The following SRGAP3 variants were observed in gnomAD, a reference collection of about 807,000 sequenced individuals.
SRGAP3 encodes the protein SLIT-ROBO Rho GTPase activating protein 3.
SRGAP3 carries 39 observed loss-of-function variants against 121.1 expected under a neutral mutation model. The observed-to-expected ratio is 0.32, with a 90% CI of 0.25 to 0.42. The LOEUF (loss-of-function observed/expected upper bound fraction) is 0.42. SRGAP3 is among the 10% of genes least tolerant of loss of function. The pLI, the probability that SRGAP3 is intolerant of heterozygous loss-of-function variation, is 1.00. For synonymous variants in SRGAP3, 601 were observed against 570.0 expected, an observed-to-expected ratio of 1.05 and a Z score of -0.77; for missense variants, 1,213 against 1,470.6, an observed-to-expected ratio of 0.82 and a Z score of 2.86.
intron 3 of SRGAP3, among the ~76,000 whole-genome samples, chr3:9,098,891 G>A (rs1049158158): frequency 3.9e-5 from 6 of 152,224 alleles, no homozygotes; most frequent in South Asian, 2.1e-4. Flanking sequence ...CAGAGTGACC[G>A]TTCGCGACTT....
At chr3:9,354,907 AC>A (rs2030411368) in intron 1 of SRGAP3, among the ~76,000 whole-genome samples, 1 of 152,184 alleles carries the variant, frequency 6.6e-6, no homozygotes. Context: ...ATGTAATGTT[AC>A]CTGTCTCAAA....
intron 1 of SRGAP3, among the ~76,000 whole-genome samples, chr3:9,242,077 C>CAAAAAA (rs142186507): frequency 1.5e-5 from 1 of 68,488 alleles, no homozygotes; most frequent in Non-Finnish European, 3.0e-5. Flanking sequence ...CACCCTAATT[C>CAAAAAA]AAAAAAAAAA....
chr3:9,121,820 A>G lies in SRGAP3; in HGVS notation c.260+2905T>C, dbSNP rs1365549328. ...CGGACAGGAGAGATGCTCCAGCCCT[A>G]CCACATGGCCCTGTCTGCAGCTAGG... On this transcript the variant is annotated intron_variant, in intron 2 of 21. Coordinates refer to ENST00000383836, the MANE Select transcript of SRGAP3 (RefSeq NM_014850.4). Among the ~76,000 whole-genome samples, 4 of 152,292 alleles carry G rather than the reference A, an allele frequency of 2.6e-5. No homozygotes were observed. In the East Asian group the frequency reaches 7.7e-4, roughly 29 times the overall value.
Position 9,086,114 on chromosome 3 carries a change from G to A in SRGAP3, c.424-6027C>T, listed in dbSNP as rs144052429. On this transcript the variant is annotated intron_variant, in intron 3 of 21. Coordinates refer to ENST00000383836, the MANE Select transcript of SRGAP3 (RefSeq NM_014850.4). Reference sequence around the variant, plus strand: ...ACACTCCTTCATCGTTCCCCTAGAAGCTAAATTCAGATGTCCCAGGGTCTG... The same window carrying A: ...ACACTCCTTCATCGTTCCCCTAGAAACTAAATTCAGATGTCCCAGGGTCTG... Among the ~76,000 whole-genome samples the A allele has an allele frequency of 7.9e-3, 1,205 of 152,330 alleles. 31 individuals are homozygous for A. Among genetic ancestry groups the A allele is most frequent in the Non-Finnish European group, 6.2e-3 (420 of 68,028 alleles).
chr3:9,234,878 G>C (rs371856176), intron 1 of SRGAP3, among the ~76,000 whole-genome samples: 4 of 152,294 alleles, frequency 2.6e-5, no homozygotes, highest in East Asian at 3.9e-4. Context: ...CTTTGCCCTA[G>C]ACAAGCCTCT....
chr3:9,356,171 C>A (rs915596119), intron 1 of SRGAP3, among the ~76,000 whole-genome samples: 53 of 149,940 alleles, frequency 3.5e-4, no homozygotes, highest in African/African-American at 1.3e-3. Flanking sequence ...ACCGTGAGAC[C>A]TGTTTATGGG....
intron 7 of SRGAP3, among the ~76,000 whole-genome samples, chr3:9,056,783 T>A (rs1945842349): frequency 6.6e-6 from 1 of 152,180 alleles, no homozygotes; most frequent in African/African-American, 2.4e-5. Flanking sequence ...AGGGCAGCTG[T>A]GAGACAATGT....
intron 2 of SRGAP3, among the ~76,000 whole-genome samples, chr3:9,110,260 G>T (rs570729683): frequency 1.3e-5 from 2 of 151,398 alleles, no homozygotes; most frequent in South Asian, 4.2e-4. Flanking sequence ...AGTAGAAGGA[G>T]CCTCTGTGGA....
chr3:9,245,207 T>C (rs1166857997), intron 1 of SRGAP3, among the ~76,000 whole-genome samples: 2 of 152,230 alleles, frequency 1.3e-5, no homozygotes, highest in Non-Finnish European at 2.9e-5. Context: ...CCTACATTCC[T>C]AAACAGCAAT....
intron 4 of SRGAP3, among the ~76,000 whole-genome samples, chr3:9,067,265 T>C (rs1946475075): frequency 6.6e-6 from 1 of 152,042 alleles, no homozygotes; most frequent in Non-Finnish European, 1.5e-5. Context: ...AAAAAATATA[T>C]TTTTATGCCA....
chr3:9,136,319 C>T (rs923456736), intron 1 of SRGAP3, among the ~76,000 whole-genome samples: 2 of 151,988 alleles, frequency 1.3e-5, no homozygotes, highest in Non-Finnish European at 2.9e-5. Flanking sequence ...GTGCGCCCAG[C>T]GCCGGGGCTG....
intron 3 of SRGAP3, among the ~76,000 whole-genome samples, chr3:9,315,556 T>C (rs1955329459): frequency 6.6e-6 from 1 of 152,148 alleles, no homozygotes; most frequent in South Asian, 2.1e-4. Context: ...TGGGAGACAA[T>C]AACCTCTTAC....
chr3:9,284,740 G>A (rs1315692603), intron 3 of SRGAP3, among the ~76,000 whole-genome samples: 1 of 151,602 alleles, frequency 6.6e-6, no homozygotes, highest in Non-Finnish European at 1.5e-5. Flanking sequence ...GACTGACACA[G>A]GAGGATCACT....
intron 3 of SRGAP3, among the ~76,000 whole-genome samples, chr3:9,297,524 A>G (rs1272715827): frequency 6.6e-6 from 1 of 152,156 alleles, no homozygotes; most frequent in Non-Finnish European, 1.5e-5. Context: ...ATTTGGAGAC[A>G]GAGTCTTTTA....
chr3:9,356,954 TA>T (rs1413087372), intron 1 of SRGAP3, among the ~76,000 whole-genome samples: 1 of 152,208 alleles, frequency 6.6e-6, no homozygotes, highest in Non-Finnish European at 1.5e-5. Flanking sequence ...TTGTAATTTG[TA>T]TTTTTTTATA....
intron 1 of SRGAP3, among the ~76,000 whole-genome samples, chr3:9,358,053 T>C (rs2125297753): frequency 6.6e-6 from 1 of 152,264 alleles, no homozygotes; most frequent in African/African-American, 2.4e-5. Context: ...TTTTGTATTT[T>C]TAGTAGAGAC....
At chr3:9,055,936 G>A (rs1945798771) in intron 8 of SRGAP3, among the ~76,000 whole-genome samples, 1 of 152,078 alleles carries the variant, frequency 6.6e-6, no homozygotes, top group Non-Finnish European at 1.5e-5. Context: ...ACCTCACTCT[G>A]TCATCCAGGC....
chr3:9,257,913 G>T (rs1954169663), intron 3 of SRGAP3, among the ~76,000 whole-genome samples: 2 of 152,008 alleles, frequency 1.3e-5, no homozygotes, highest in South Asian at 4.2e-4. Flanking sequence ...CCATCTTGGT[G>T]AGGCTGGTCT....
intron 3 of SRGAP3, among the ~76,000 whole-genome samples, chr3:9,302,419 T>C (rs959749608): frequency 3.9e-5 from 6 of 152,154 alleles, no homozygotes; most frequent in Non-Finnish European, 7.4e-5. Flanking sequence ...AGAGAAGCAC[T>C]TCGCTCTGCC....
Sources: gnomAD v4.1 joint callset for allele counts (sites outside exome capture counted in the v4.1 genomes callset) on GRCh38, gnomAD v4.1.1 for gene constraint, MANE v1.5 for transcripts, NCBI Gene and HGNC (gene_info 2026-07-23, HGNC 2026-07-21) for gene names.